The following C6 variants were observed in gnomAD, a reference collection of about 807,000 sequenced individuals.
C6 encodes complement C6.
Under a neutral mutation model 112.9 loss-of-function variants are expected in C6, and 101 were observed. That is an observed-to-expected ratio of 0.89 (90% CI 0.76 to 1.06). The LOEUF (loss-of-function observed/expected upper bound fraction) is 1.06, where lower values mean the gene tolerates loss of function less well. Ranked by LOEUF, C6 falls within the 50% of genes least tolerant of loss-of-function variation. The probability of loss-of-function intolerance (pLI) is 0.00; values close to 1 mark genes in which losing one functional copy is unlikely to be tolerated. For missense variants in C6, 1,202 were observed against 1,104.6 expected, an observed-to-expected ratio of 1.09 and a Z score of -1.25; for synonymous variants, 431 against 384.1, an observed-to-expected ratio of 1.12 and a Z score of -1.43.
intron 1 of C6, among the ~76,000 whole-genome samples, chr5:41,247,347 A>G (rs975449000): frequency 1.3e-5 from 2 of 152,216 alleles, no homozygotes; most frequent in Middle Eastern, 3.2e-3. Context: ...TAGGGTACAA[A>G]ACTAATGTAC....
rs905609583 is a variant in C6, at chr5:41,203,222, T to C, written c.9A>G (p.Arg3=). The change falls in exon 2 of 18, where the codon AGA becomes AGG. Residue 3 remains arginine, a synonymous_variant. Coordinates refer to ENST00000337836, the MANE Select transcript of C6 (RefSeq NM_000065.5). The part of the protein sequence containing the change: MA[R]RSVLYFILLN... ...GCAGGATGAAGTACAAGACAGAGCGTCTGGCCATGCCTTGAGAGCCTCCAG... is the reference window on the plus strand; with the variant it reads ...GCAGGATGAAGTACAAGACAGAGCGCCTGGCCATGCCTTGAGAGCCTCCAG... 1 of 1,614,134 alleles carries C rather than the reference T, an allele frequency of 6.2e-7. No individual in the cohort carries two copies. Among genetic ancestry groups the C allele is most frequent in the Admixed American group, 1.7e-5 (1 of 60,030 alleles).
intron 1 of C6, among the ~76,000 whole-genome samples, chr5:41,256,654 C>T (rs989513675): frequency 2.6e-5 from 4 of 152,078 alleles, no homozygotes; most frequent in Admixed American, 1.3e-4. Flanking sequence ...TAAAGCTTGC[C>T]TGGTTTTATG....
intron 1 of C6, among the ~76,000 whole-genome samples, chr5:41,236,858 G>T (rs1396441904): frequency 7.6e-6 from 1 of 132,086 alleles, no homozygotes; most frequent in African/African-American, 2.9e-5. Flanking sequence ...AAAGAGAGAA[G>T]AATCAAATAG....
At chr5:41,220,360 G>A (rs753764007) in intron 1 of C6, among the ~76,000 whole-genome samples, 3 of 152,102 alleles carry the variant, frequency 2.0e-5, no homozygotes, top group Non-Finnish European at 4.4e-5. Context: ...CAAATAAATG[G>A]TAGAAGAGGA....
chr5:41,213,619 C>T (rs1364221425), upstream of C6: 1 of 895,970 alleles, frequency 1.1e-6, no homozygotes, highest in Non-Finnish European at 1.3e-6. Context: ...AACCCTGAAA[C>T]TCTGGGTGTT....
At chr5:41,259,468 T>G (rs1277672492) in intron 1 of C6, among the ~76,000 whole-genome samples, 3 of 149,380 alleles carry the variant, frequency 2.0e-5, no homozygotes, top group Non-Finnish European at 4.4e-5. Context: ...GTCAGTCCAA[T>G]GCCATTAAAA....
chr5:41,261,256 A>G, exon 1 of C6: 1 of 966,922 alleles, frequency 1.0e-6, no homozygotes. Flanking sequence ...CCAAGTCCAG[A>G]GTAACTGGTT....
rs185941695 is a variant in C6 at position 41,152,633 on chromosome 5, A to T, written c.2290+1177T>A. ...TTCACAGTTGTTTTCCTTTCCTTCT[A>T]TTACCACCATTTTATCTGGTGAAAC... On this transcript the variant is annotated intron_variant, in intron 15 of 17. Transcript: ENST00000337836. 7.9e-5 allele frequency: 12 copies of T among 152,194 alleles called. No individual in the cohort carries two copies. The East Asian group carries it at 2.3e-3, about 29-fold the overall frequency. 9.4% of individuals were successfully genotyped at this position (152,194 alleles called of 1,614,324 possible).
intron 5 of C6, among the ~76,000 whole-genome samples, chr5:41,195,415 G>A (rs1026410417): frequency 1.3e-5 from 2 of 152,070 alleles, no homozygotes; most frequent in Non-Finnish European, 2.9e-5. Flanking sequence ...ACATTTCTGA[G>A]TGGTTACTCA....
intron 5 of C6, among the ~76,000 whole-genome samples, chr5:41,188,720 T>C (rs972478117): frequency 2.0e-5 from 3 of 152,086 alleles, no homozygotes; most frequent in African/African-American, 7.2e-5. Flanking sequence ...GACAAAGCCT[T>C]CTTAGATATG....
chr5:41,172,456 C>T lies in C6; in HGVS notation c.1169-109G>A, dbSNP rs937555738. The T allele has an allele frequency of 5.1e-5, 53 of 1,041,946 alleles. No individual in the cohort carries two copies. In the African/African-American group the frequency reaches 6.9e-4, roughly 14 times the overall value. The allele number at this position is 1,041,946 out of a possible 1,614,324, so 64.5% of individuals were successfully genotyped here. On this transcript the variant is annotated intron_variant, in intron 8 of 17. Coordinates refer to ENST00000337836, the MANE Select transcript of C6 (RefSeq NM_000065.5). Reference sequence around the variant, plus strand: ...ATCTACAGATACTTTATATTAGCCCCTCTCTTCCCCAGTCCCCATAATCTT... The same window carrying T: ...ATCTACAGATACTTTATATTAGCCCTTCTCTTCCCCAGTCCCCATAATCTT...
At chr5:41,198,980 C>A (rs1452086538) in intron 4 of C6, among the ~76,000 whole-genome samples, 1 of 152,022 alleles carries the variant, frequency 6.6e-6, no homozygotes, top group Non-Finnish European at 1.5e-5. Flanking sequence ...ATCTCCCTAC[C>A]CACATCCTGC....
At chr5:41,222,665 T>C (rs1211417091) in intron 1 of C6, among the ~76,000 whole-genome samples, 1 of 152,188 alleles carries the variant, frequency 6.6e-6, no homozygotes, top group Non-Finnish European at 1.5e-5. Context: ...TCTATATATT[T>C]ACTATTTCTG....
Position 41,143,021 on chromosome 5 carries a change from A to G in C6, c.2624-15T>C, listed in dbSNP as rs1179660692. ...GGAAGTGGAGGCTGTAATGAGAGAGAGAGAGACAGTGTGACTTACCACAGT... is the reference window on the plus strand; with the variant it reads ...GGAAGTGGAGGCTGTAATGAGAGAGGGAGAGACAGTGTGACTTACCACAGT... On this transcript the variant is annotated splice_polypyrimidine_tract_variant and intron_variant, in intron 17 of 17. Coordinates refer to ENST00000337836, the MANE Select transcript of C6 (RefSeq NM_000065.5). 6.2e-7 allele frequency: 1 copy of G among 1,611,930 alleles called. No homozygotes were observed. The highest frequency in any genetic ancestry group is 2.2e-5 in the East Asian group (1 of 44,854).
chr5:41,217,349 T>G (rs1752231770), upstream of C6, among the ~76,000 whole-genome samples: 1 of 152,180 alleles, frequency 6.6e-6, no homozygotes, highest in African/African-American at 2.4e-5. Context: ...AGTTCCTTTA[T>G]ACTGAGCCTG....
At chr5:41,212,439 G>A (rs189447738) in intron 1 of C6, among the ~76,000 whole-genome samples, 18 of 152,160 alleles carry the variant, frequency 1.2e-4, no homozygotes, top group African/African-American at 4.1e-4. Flanking sequence ...GATTACAAGC[G>A]TGAGCCACCA....
rs748509362 is a variant in C6, at chr5:41,172,352, G to T, written c.1169-5C>A. ...TGGCTTCTTCCTCGGTTAAACCTAG[G>T]AGATGAAGTACAAACAGAAACCACT... On this transcript the variant is annotated splice_polypyrimidine_tract_variant and splice_region_variant and intron_variant, in intron 8 of 17. Coordinates refer to ENST00000337836, the MANE Select transcript of C6 (RefSeq NM_000065.5). The T allele has an allele frequency of 1.9e-6, 3 of 1,613,392 alleles. No individual in the cohort carries two copies. The highest frequency in any genetic ancestry group is 2.5e-6 in the Non-Finnish European group (3 of 1,179,628).
intron 4 of C6, among the ~76,000 whole-genome samples, chr5:41,196,592 A>G (rs955362457): frequency 2.0e-5 from 3 of 151,756 alleles, no homozygotes; most frequent in African/African-American, 7.3e-5. Flanking sequence ...AAAATTGCAC[A>G]CTTAGAATTG....
intron 15 of C6, chr5:41,152,826 T>C (rs1360265527): frequency 6.6e-6 from 1 of 152,214 alleles, no homozygotes; most frequent in African/African-American, 2.4e-5. Flanking sequence ...CAATTCAGCT[T>C]TCAAGTGGCA....
Sources: gnomAD v4.1 joint callset for allele counts (sites outside exome capture counted in the v4.1 genomes callset) on GRCh38, gnomAD v4.1.1 for gene constraint, MANE v1.5 for transcripts, NCBI Gene and HGNC (gene_info 2026-07-23, HGNC 2026-07-21) for gene names.